The following CLTCL1 variants were observed in gnomAD, a reference collection of about 807,000 sequenced individuals.
CLTCL1 encodes the protein clathrin heavy chain like 1.
Under a neutral mutation model 190.0 loss-of-function variants are expected in CLTCL1, and 159 were observed. The observed-to-expected ratio is 0.84, with a 90% CI of 0.74 to 0.95. The LOEUF is 0.95. Among genes scored for constraint, CLTCL1 ranks in the 40% least tolerant of loss-of-function variants. The pLI is 0.00. For missense variants in CLTCL1, 1,878 were observed against 2,033.4 expected (o/e 0.92, Z 1.47); for synonymous variants, 752 against 769.6 (o/e 0.98, Z 0.38).
chr22:19,235,904 A>T, intron 5 of CLTCL1, 35 bp from the exon 6 acceptor site: 1 of 1,568,256 alleles, frequency 6.4e-7, no homozygotes, highest in Non-Finnish European at 8.7e-7. Flanking sequence ...GTTGGAAAGT[A>T]AGGAGGAGAA....
At chr22:19,253,325 C>G (rs1276544970) in intron 3 of CLTCL1, among the ~76,000 whole-genome samples, 1 of 152,140 alleles carries the variant, frequency 6.6e-6, no homozygotes, top group Non-Finnish European at 1.5e-5. Flanking sequence ...TTACCAAGGA[C>G]AGGCCAGCTG....
In CLTCL1 at chr22:19,201,196, T is replaced by G. The variant is rs893954546; in HGVS notation, c.3765+133A>C. On this transcript the variant is annotated intron_variant, in intron 23 of 32. Coordinates refer to ENST00000427926, the MANE Select transcript of CLTCL1 (RefSeq NM_007098.4). ...ACTACAAACACTAGCCTAGAGACTC[T>G]AAGAATCCCAAGGGTTCAGACCCCT... The G allele has an allele frequency of 7.2e-6, 8 of 1,103,708 alleles. No homozygotes were observed. In the Admixed American group the frequency reaches 1.1e-4, roughly 16 times the overall value. The allele number at this position is 1,103,708 out of a possible 1,614,324, so 68.4% of individuals were successfully genotyped here. A position where few individuals can be genotyped will look rare whatever the true frequency, so the allele number is the denominator to read the frequency against.
chr22:19,233,371 A>G (rs2085975575), intron 8 of CLTCL1, 51 bp downstream of exon 8: 1 of 1,610,650 alleles, frequency 6.2e-7, no homozygotes, highest in Non-Finnish European at 8.5e-7. Context: ...GGGAGCCTGG[A>G]CCAAGTTTTC....
intron 17 of CLTCL1, among the ~76,000 whole-genome samples, chr22:19,220,700 G>A (rs1197498616): frequency 4.6e-5 from 7 of 152,226 alleles, no homozygotes; most frequent in African/African-American, 9.6e-5. Flanking sequence ...AGCGCAGTCC[G>A]CCTGTGTATC....
chr22:19,191,437 T>G lies in CLTCL1; in HGVS notation c.4192-2A>C. On this transcript the variant is annotated splice_acceptor_variant, in intron 26 of 32. Coordinates refer to ENST00000427926, the MANE Select transcript of CLTCL1 (RefSeq NM_007098.4). LOFTEE classifies it high-confidence loss of function. Reference sequence around the variant, plus strand: ...GTAACAGAGCTCGACGTTGGCAACCTGTGGTGAGCAAAGCTGAGGGTCAGT... The same window carrying G: ...GTAACAGAGCTCGACGTTGGCAACCGGTGGTGAGCAAAGCTGAGGGTCAGT... 4 of 1,613,102 alleles carry G rather than the reference T, an allele frequency of 2.5e-6. No homozygotes were observed. The highest frequency in any genetic ancestry group is 3.4e-6 in the Non-Finnish European group (4 of 1,179,834).
Position 19,254,018 on chromosome 22 carries a change from T to A in CLTCL1, c.460A>T (p.Ile154Phe). The part of the protein sequence containing the change: ...RHTSLVGCQV[I>F]HYRTDEYQKW... Reference sequence around the variant, plus strand: ...TGGTACTCATCAGTCCGGTAGTGAATCACCTGGCAGCCCACCAGACTGGTA... The same window carrying A: ...TGGTACTCATCAGTCCGGTAGTGAAACACCTGGCAGCCCACCAGACTGGTA... Residue 154 changes from isoleucine to phenylalanine, a missense_variant, in exon 3 of 33, where the codon ATT becomes TTT. By Grantham distance (21) the Ile-to-Phe change is conservative. Coordinates refer to ENST00000427926, the MANE Select transcript of CLTCL1 (RefSeq NM_007098.4). 1.2e-6 allele frequency: 2 copies of A among 1,613,010 alleles called. No homozygotes were observed. The highest frequency in any genetic ancestry group is 1.7e-6 in the Non-Finnish European group (2 of 1,179,444).
chr22:19,208,778 G>T, intron 21 of CLTCL1, 144 bp downstream of exon 21: 1 of 668,836 alleles, frequency 1.5e-6, no homozygotes, highest in South Asian at 2.3e-5. Flanking sequence ...TCAGACTCTT[G>T]TGGGAAACTT....
At chr22:19,276,383 G>A (rs73160231) in intron 1 of CLTCL1, among the ~76,000 whole-genome samples, 8,944 of 152,224 alleles carry the variant, frequency 0.059, 337 homozygotes, top group Middle Eastern at 0.16. Flanking sequence ...AATACTTCCT[G>A]GAGAGTCTGG....
intron 1 of CLTCL1, among the ~76,000 whole-genome samples, chr22:19,289,228 C>A (rs939331903): frequency 6.6e-6 from 1 of 152,150 alleles, no homozygotes; most frequent in African/African-American, 2.4e-5. Context: ...GGTGATCCAC[C>A]CGCCTCGGCC....
At chr22:19,255,772 T>C (rs1201155257) in intron 2 of CLTCL1, among the ~76,000 whole-genome samples, 2 of 151,366 alleles carry the variant, frequency 1.3e-5, no homozygotes, top group South Asian at 2.1e-4. Flanking sequence ...TAGCCGGGCA[T>C]GGTGGCACAC....
chr22:19,233,499 C>A lies in CLTCL1; in HGVS notation c.1291G>T (p.Glu431Ter), dbSNP rs1555960232. The change falls in exon 8 of 33, where the codon GAA (glutamate) becomes TAA (stop). Residue 431 changes from glutamate (E) to a stop codon, truncating the protein, a stop_gained. Transcript: ENST00000427926. LOFTEE classifies it high-confidence loss of function. ...ACCAGATGGCAAAGTTCTAAGGATT[C>A]AAGTTTATTGAGCTGACCCTGGTCG... ...LLDQGQLNKL[E>*]SLELCHLVLQ... 1.2e-6 allele frequency: 2 copies of A among 1,613,938 alleles called. No individual in the cohort carries two copies. The highest frequency in any genetic ancestry group is 2.2e-5 in the South Asian group (2 of 91,072).
chr22:19,180,629 T>C, intron 31 of CLTCL1, 102 bp downstream of exon 31: 13 of 1,139,828 alleles, frequency 1.1e-5, no homozygotes, highest in Non-Finnish European at 1.7e-5. Flanking sequence ...CCCACCCATC[T>C]ATTCCCATCC....
chr22:19,193,756 C>T (rs782634803), intron 26 of CLTCL1, among the ~76,000 whole-genome samples: 2 of 152,188 alleles, frequency 1.3e-5, no homozygotes, highest in Admixed American at 6.5e-5. Flanking sequence ...ATGTTGTGTC[C>T]AGAGTTTGTT....
At chr22:19,290,924 C>T (rs532181086) in intron 1 of CLTCL1, among the ~76,000 whole-genome samples, 1 of 152,312 alleles carries the variant, frequency 6.6e-6, no homozygotes, top group East Asian at 1.9e-4. Flanking sequence ...CCGCACCTCC[C>T]AGGGTAAACG....
At chr22:19,243,933 G>A (rs1004530141) in intron 3 of CLTCL1, among the ~76,000 whole-genome samples, 7 of 151,996 alleles carry the variant, frequency 4.6e-5, no homozygotes, top group Non-Finnish European at 8.8e-5. Context: ...TCCTGACGTC[G>A]TGATCTGCCT....
At chr22:19,268,213 G>A (rs1555978809) in intron 2 of CLTCL1, among the ~76,000 whole-genome samples, 1 of 152,190 alleles carries the variant, frequency 6.6e-6, no homozygotes, top group East Asian at 1.9e-4. Context: ...TCCAGAGGAT[G>A]CAGCAACAGG....
intron 10 of CLTCL1, among the ~76,000 whole-genome samples, chr22:19,230,272 T>A (rs1416650762): frequency 6.6e-6 from 1 of 151,924 alleles, no homozygotes; most frequent in African/African-American, 2.4e-5. Flanking sequence ...CCCAGCTAAT[T>A]TTTCTATTTT....
intron 22 of CLTCL1, among the ~76,000 whole-genome samples, chr22:19,203,864 T>C (rs1267969994): frequency 6.6e-6 from 1 of 152,136 alleles, no homozygotes; most frequent in Non-Finnish European, 1.5e-5. Context: ...TCACACACTG[T>C]CCCCACACTG....
chr22:19,285,951 A>C (rs868938099), intron 1 of CLTCL1, among the ~76,000 whole-genome samples: 5 of 152,136 alleles, frequency 3.3e-5, no homozygotes, highest in Admixed American at 6.6e-5. Flanking sequence ...GATTCTTTTG[A>C]ACATTTTTGG....
Sources: allele counts gnomAD v4.1 joint callset (sites outside exome capture counted in the v4.1 genomes callset), GRCh38; gene constraint gnomAD v4.1.1; transcripts MANE v1.5; gene names NCBI Gene and HGNC (gene_info 2026-07-23, HGNC 2026-07-21).